The following ANAPC2 variants were observed in gnomAD, a reference collection of about 807,000 sequenced individuals.
ANAPC2 encodes anaphase-promoting complex subunit 2.
In ANAPC2, 29 loss-of-function variants were observed where a neutral mutation model predicts 84.3. The ratio of observed to expected loss-of-function variants is 0.34; its 90% CI spans 0.26 to 0.47. The LOEUF is 0.47. Among genes scored for constraint, ANAPC2 ranks in the 20% least tolerant of loss-of-function variants. The pLI is 1.00. For synonymous variants in ANAPC2, 571 were observed against 479.4 expected (o/e 1.19, Z -2.50); for missense variants, 857 against 1,131.7 (o/e 0.76, Z 3.48).
At position 137,183,222 on chromosome 9, in the gene ANAPC2, T is replaced by C; in HGVS notation, c.1189A>G (p.Ile397Val). 1.9e-6 allele frequency: 3 copies of C among 1,613,032 alleles called. No individual in the cohort carries two copies. The highest frequency in any genetic ancestry group is 2.5e-6 in the Non-Finnish European group (3 of 1,179,860). Reference sequence around the variant, plus strand: ...TTGATGGCAGAGATATAGAGGGTGATGATGTCACACGTGTTGACGCCTACA... The same window carrying C: ...TTGATGGCAGAGATATAGAGGGTGACGATGTCACACGTGTTGACGCCTACA... ...LHPGVNTCDI[I>V]TLYISAIKAL... Residue 397 changes from isoleucine (I) to valine (V), a missense_variant, in exon 6 of 13, where the codon ATC becomes GTC. Around this residue, in one of 3 missense-constraint regions of ANAPC2, gnomAD observed 425 missense variants for 595.5 expected, o/e 0.71. Coordinates refer to ENST00000323927, the MANE Select transcript of ANAPC2 (RefSeq NM_013366.4).
At chr9:137,183,602 C>CTCCCTGGACATGGGTCCCCTGG in intron 5 of ANAPC2, 70 bp downstream of exon 5, 2 of 1,552,236 alleles carry the variant, frequency 1.3e-6, no homozygotes, top group African/African-American at 2.7e-5. Flanking sequence ...AGGCCCCAGG[C>CTCCCTGGACATGGGTCCCCTGG]TCCCTGGACA....
At chr9:137,186,399 G>T (rs28624882) in intron 2 of ANAPC2, 43 bp from the exon 3 acceptor site, 1 of 1,550,192 alleles carries the variant, frequency 6.5e-7, no homozygotes, top group Admixed American at 1.9e-5. Context: ...AGCACACACC[G>T]GCCCCTCTAG....
intron 7 of ANAPC2, among the ~76,000 whole-genome samples, chr9:137,181,163 C>T (rs1483213332): frequency 6.6e-6 from 1 of 152,216 alleles, no homozygotes; most frequent in East Asian, 1.9e-4. Context: ...CCCATGCAGG[C>T]TTAGGGGACA....
At chr9:137,177,225 GAGGCCA>G (rs1564374992) in intron 10 of ANAPC2, among the ~76,000 whole-genome samples, 1 of 152,226 alleles carries the variant, frequency 6.6e-6, no homozygotes, top group Admixed American at 6.5e-5. Flanking sequence ...CAGAGCCGCC[GAGGCCA>G]AGGCTGACGG....
Position 137,175,736 on chromosome 9 carries a change from C to T in ANAPC2, c.1992G>A (p.Ala664=), listed in dbSNP as rs41317010. ...GGTCCTGAAAATACAGCAAGATCAC[C>T]GCCTGTACTGGGGTGACCGCCACAG... ...TLSVAVTPVQ[A]VILLYFQDQA... Residue 664 remains alanine (A), a synonymous_variant, in exon 11 of 13, where the codon GCG becomes GCA. Coordinates refer to ENST00000323927, the MANE Select transcript of ANAPC2 (RefSeq NM_013366.4). 4,441 of 1,612,072 alleles carry T rather than the reference C, an allele frequency of 2.8e-3. 13 individuals carry two copies. Among genetic ancestry groups the T allele is most frequent in the Non-Finnish European group, 3.2e-3 (3,811 of 1,179,614 alleles).
Position 137,183,713 on chromosome 9 carries a change from A to C in ANAPC2, c.1127T>G (p.Val376Gly). Residue 376 changes from valine (V) to glycine (G), a missense_variant, in exon 5 of 13, where the codon GTG (valine) becomes GGG (glycine). Val to Gly is a moderately radical substitution (Grantham distance 109). Transcript: ENST00000323927. ...AGTCTCCAGGGCAGCCTTGAGGGAC[A>C]CGAGCAGCTGCTGCCTCTGGTCCGT... ...ERTDQRQQLL[V>G]SLKAALETRL... The C allele has an allele frequency of 6.2e-7, 1 of 1,612,830 alleles. No homozygotes were observed. The highest frequency in any genetic ancestry group is 8.5e-7 in the Non-Finnish European group (1 of 1,179,858).
chr9:137,175,679 G>C, intron 11 of ANAPC2, 29 bp downstream of exon 11: 1 of 1,599,966 alleles, frequency 6.3e-7, no homozygotes, highest in Non-Finnish European at 8.5e-7. Context: ...TGTGGCCGGG[G>C]CAGGCCAGCT....
At chr9:137,175,923 G>GA (rs1466450417) in intron 10 of ANAPC2, 86 bp from the exon 11 acceptor site, 1 of 1,477,780 alleles carries the variant, frequency 6.8e-7, no homozygotes, top group Non-Finnish European at 9.0e-7. Context: ...AGTGAGAAAG[G>GA]GGCTCCCAGA....
At chr9:137,187,007 C>A in intron 2 of ANAPC2, 1 of 178,002 alleles carries the variant, frequency 5.6e-6, no homozygotes, top group Non-Finnish European at 1.2e-5. Context: ...AGAACTACAA[C>A]AGGACCTGTC....
At chr9:137,181,308 G>A (rs1834337960) in intron 7 of ANAPC2, among the ~76,000 whole-genome samples, 1 of 152,222 alleles carries the variant, frequency 6.6e-6, no homozygotes, top group Non-Finnish European at 1.5e-5. Context: ...GGCACAGATG[G>A]GCTCTGAGCA....
intron 4 of ANAPC2, among the ~76,000 whole-genome samples, chr9:137,184,222 ACATGGCGAAGGCCCTGGGAGCCC>A (rs1834405380): frequency 2.0e-5 from 3 of 151,932 alleles, no homozygotes; most frequent in Admixed American, 2.0e-4. Context: ...CACAGAGCCG[ACATGGCGAAGGCCCTGGGAGCCC>A]CAGATGCAGA....
chr9:137,186,512 G>A, intron 2 of ANAPC2, 156 bp from the exon 3 acceptor site: 1 of 1,146,172 alleles, frequency 8.7e-7, no homozygotes, highest in Non-Finnish European at 1.2e-6. Flanking sequence ...TCAGCTGTGG[G>A]GGGCGGTTGT....
intron 10 of ANAPC2, chr9:137,176,371 C>T (rs1293188201): frequency 6.6e-6 from 1 of 152,414 alleles, no homozygotes; most frequent in African/African-American, 2.4e-5. Flanking sequence ...TTCCAGCCTC[C>T]AAAACTAAGA....
At chr9:137,181,639 GC>G (rs767544340) in intron 7 of ANAPC2, 41 bp downstream of exon 7, 1 of 1,526,188 alleles carries the variant, frequency 6.6e-7, no homozygotes, top group South Asian at 1.3e-5. Context: ...TGGCTGAAGC[GC>G]CCCCCACACT....
intron 7 of ANAPC2, among the ~76,000 whole-genome samples, chr9:137,181,204 G>A (rs1834334057): frequency 1.3e-5 from 2 of 152,240 alleles, no homozygotes; most frequent in South Asian, 2.1e-4. Context: ...TCCTCTGAGA[G>A]AGACTAAAGA....
At chr9:137,183,059 G>T in intron 6 of ANAPC2, 66 bp downstream of exon 6, 1 of 1,365,116 alleles carries the variant, frequency 7.3e-7, no homozygotes, top group Non-Finnish European at 1.0e-6. Flanking sequence ...CTGCCCCCCA[G>T]GACCACGAGG....
At position 137,175,215 on chromosome 9, in the gene ANAPC2, C is replaced by A. The variant is rs763968524; in HGVS notation, c.2256+22G>T. The A allele has an allele frequency of 1.2e-6, 2 of 1,608,848 alleles. No individual in the cohort carries two copies. The highest frequency in any genetic ancestry group is 1.7e-6 in the Non-Finnish European group (2 of 1,178,220). On this transcript the variant is annotated intron_variant, in intron 12 of 12. Coordinates refer to ENST00000323927, the MANE Select transcript of ANAPC2 (RefSeq NM_013366.4). ...AGGCCTCGCCCCCGCCCCCTGGCCC[C>A]CCGTGGGGCCTGCACGCGCACCAGC...
chr9:137,187,465 G>C lies in ANAPC2; in HGVS notation c.740+16C>G, dbSNP rs201226640. The C allele has an allele frequency of 1.6e-5, 25 of 1,594,228 alleles. No homozygotes were observed. The highest frequency in any genetic ancestry group is 2.1e-5 in the Non-Finnish European group (24 of 1,166,172). On this transcript the variant is annotated intron_variant, in intron 2 of 12. Transcript: ENST00000323927. ...CAGAAGGAGCAAGGGCATGGCCATC[G>C]GGACAGACTACTCACAAGACCTGGC...
chr9:137,185,665 G>A (rs188728726), intron 3 of ANAPC2, among the ~76,000 whole-genome samples: 241 of 152,296 alleles, frequency 1.6e-3, no homozygotes, highest in South Asian at 5.0e-3. Context: ...CTGAAACACT[G>A]AGGAAAGGAC....
Sources: gnomAD v4.1 joint callset for allele counts (sites outside exome capture counted in the v4.1 genomes callset) on GRCh38, gnomAD v4.1.1 for gene constraint, gnomAD v4.1.1 regional missense constraint, MANE v1.5 for transcripts, NCBI Gene and HGNC (gene_info 2026-07-23, HGNC 2026-07-21) for gene names.